The following FAP variants were observed in gnomAD, a reference collection of about 807,000 sequenced individuals.
FAP encodes the protein prolyl endopeptidase FAP.
A neutral mutation model predicts 126.5 loss-of-function variants in FAP; 110 were observed. The ratio of observed to expected loss-of-function variants is 0.87; its 90% CI spans 0.74 to 1.02. The LOEUF (loss-of-function observed/expected upper bound fraction) is 1.02. Ranked by LOEUF, FAP falls within the 50% of genes least tolerant of loss-of-function variation. The pLI, the probability that FAP is intolerant of heterozygous loss-of-function variation, is 0.00. For synonymous variants in FAP, 334 were observed against 297.3 expected (o/e 1.12, Z -1.27); for missense variants, 919 against 909.2 (o/e 1.01, Z -0.14).
intron 20 of FAP, among the ~76,000 whole-genome samples, chr2:162,187,079 G>A (rs1352003208): frequency 6.6e-6 from 1 of 151,892 alleles, no homozygotes; most frequent in African/African-American, 2.4e-5. Context: ...CAGAATGAAA[G>A]AAGCACTTGA....
intron 12 of FAP, among the ~76,000 whole-genome samples, chr2:162,203,366 GC>G (rs1466200252): frequency 6.6e-6 from 1 of 152,130 alleles, no homozygotes; most frequent in Non-Finnish European, 1.5e-5. Flanking sequence ...CTGCTTGGCT[GC>G]TACTGCATAC....
intron 17 of FAP, among the ~76,000 whole-genome samples, chr2:162,190,973 C>T (rs1247962446): frequency 3.3e-5 from 5 of 151,950 alleles, no homozygotes; most frequent in Middle Eastern, 3.2e-3. Context: ...TTGGGTAATC[C>T]ATCAGGGAAG....
intron 15 of FAP, 42 bp from the exon 16 acceptor site, chr2:162,198,923 T>G (rs938602371): frequency 6.3e-7 from 1 of 1,580,004 alleles, no homozygotes. Flanking sequence ...AATTTTGAGA[T>G]TGTATTTATC....
At position 162,183,427 on chromosome 2, in the gene FAP, GCTATT is replaced by G. The variant is rs1687758804; in HGVS notation, c.1851_1855del (p.Arg617SerfsTer54). On this transcript the variant is annotated frameshift_variant, in exon 21 of 26. Coordinates refer to ENST00000188790, the MANE Select transcript of FAP (RefSeq NM_004460.5). LOFTEE classifies it high-confidence loss of function. ...AAAACAACTCACCCAGCCCCATATG[GCTATT>G]CTTTTTTCATCAATGAAACCCATTT... 1.9e-6 allele frequency: 3 copies of G among 1,608,606 alleles called. No homozygotes were observed. Among genetic ancestry groups the G allele is most frequent in the Non-Finnish European group, 2.5e-6 (3 of 1,176,740 alleles).
intron 2 of FAP, among the ~76,000 whole-genome samples, chr2:162,235,718 A>G (rs1035013954): frequency 6.6e-6 from 1 of 152,206 alleles, no homozygotes; most frequent in Non-Finnish European, 1.5e-5. Flanking sequence ...CTGAGCCAGC[A>G]GTGGCACTCT....
At chr2:162,218,774 C>T (rs1689264141) in intron 8 of FAP, among the ~76,000 whole-genome samples, 1 of 151,416 alleles carries the variant, frequency 6.6e-6, no homozygotes, top group African/African-American at 2.4e-5. Flanking sequence ...AAAAAGTAAA[C>T]ATGAGAAAAT....
rs115346019 is a variant in FAP at position 162,232,352 on chromosome 2, T to C, written c.92-5731A>G. Among the ~76,000 whole-genome samples the C allele has an allele frequency of 3.7e-3, 571 of 152,304 alleles. 4 individuals are homozygous for C. The highest frequency in any genetic ancestry group is 0.013 in the African/African-American group (551 of 41,558). ...AAGGTGAGCTAACTTGCCTAATACATAGAAAAGCTGGGGTTTAAATTCAGC... is the reference window on the plus strand; with the variant it reads ...AAGGTGAGCTAACTTGCCTAATACACAGAAAAGCTGGGGTTTAAATTCAGC... On this transcript the variant is annotated intron_variant, in intron 2 of 25. Transcript: ENST00000188790.
At chr2:162,236,376 A>G (rs1690129848) in intron 2 of FAP, among the ~76,000 whole-genome samples, 1 of 151,566 alleles carries the variant, frequency 6.6e-6, no homozygotes, top group Admixed American at 6.6e-5. Flanking sequence ...AGAATTTGTG[A>G]TAATTCTTCT....
Position 162,173,155 on chromosome 2 carries a change from C to T in FAP, c.2101G>A (p.Ala701Thr), listed in dbSNP as rs770848644. Residue 701 changes from alanine (A) to threonine (T), a missense_variant, in exon 24 of 26, where the codon GCA becomes ACA. Transcript: ENST00000188790. ...NVDYLLIHGTADDNVHFQNSA... is the reference protein window; with the variant it reads ...NVDYLLIHGTTDDNVHFQNSA... ...AGTCTTGCTTAAACCTCACCATCTG[C>T]TGTTCCGTGGATGAGAAGATAGTCT... 1.6e-5 allele frequency: 26 copies of T among 1,612,298 alleles called. 1 individual carries two copies. The South Asian group carries it at 2.9e-4, about 18-fold the overall frequency.
intron 17 of FAP, chr2:162,194,024 A>G (rs970329919): frequency 6.6e-6 from 1 of 152,198 alleles, no homozygotes; most frequent in African/African-American, 2.4e-5. Flanking sequence ...ATACTTGGAC[A>G]ACTCTGCTGC....
intron 18 of FAP, 136 bp from the exon 19 acceptor site, chr2:162,189,308 GT>G: frequency 2.0e-6 from 1 of 493,934 alleles, no homozygotes; most frequent in East Asian, 3.4e-5. Context: ...ATATTTAAAA[GT>G]AACTTTTATT....
intron 16 of FAP, among the ~76,000 whole-genome samples, chr2:162,196,463 T>A (rs1334774442): frequency 6.6e-6 from 1 of 151,612 alleles, no homozygotes; most frequent in Admixed American, 6.6e-5. Context: ...TCAACCAGCA[T>A]CTACCCTGTG....
chr2:162,176,447 T>C (rs901430384), intron 21 of FAP: 4 of 152,126 alleles, frequency 2.6e-5, no homozygotes, highest in Non-Finnish European at 1.5e-5. Context: ...CATGTTTTAA[T>C]AGGGAAAAAG....
rs186815117 is a variant in FAP, at chr2:162,237,360, C to A, written c.91+5548G>T. On this transcript the variant is annotated intron_variant, in intron 2 of 25. Coordinates refer to ENST00000188790, the MANE Select transcript of FAP (RefSeq NM_004460.5). The stretch of plus-strand genomic sequence containing the variant: ...CATTAGGTATTTCTTCTAATGCTAT[C>A]CCTCCCCTAGTCCCCCGACCCCCCA... Among the ~76,000 whole-genome samples, 127 of 152,242 alleles carry A rather than the reference C, an allele frequency of 8.3e-4. 1 individual carries two copies. The East Asian group carries it at 0.012, about 14-fold the overall frequency.
Position 162,226,517 on chromosome 2 carries a change from A to G in FAP, c.190+6T>C, listed in dbSNP as rs753842991. 6.8e-7 allele frequency: 1 copy of G among 1,473,820 alleles called. No homozygotes were observed. The highest frequency in any genetic ancestry group is 1.2e-5 in the South Asian group (1 of 81,794). 91.3% of individuals were successfully genotyped at this position (1,473,820 alleles called of 1,614,324 possible). On this transcript the variant is annotated splice_donor_region_variant and intron_variant, in intron 3 of 25. Coordinates refer to ENST00000188790, the MANE Select transcript of FAP (RefSeq NM_004460.5). Reference sequence around the variant, plus strand: ...AAAAACCCCTAAAGATAAATAATGCACTTACCTGAAATCCAGTTTGGAAAA... The same window carrying G: ...AAAAACCCCTAAAGATAAATAATGCGCTTACCTGAAATCCAGTTTGGAAAA...
intron 6 of FAP, among the ~76,000 whole-genome samples, chr2:162,222,235 C>T (rs1689434056): frequency 6.6e-6 from 1 of 152,062 alleles, no homozygotes; most frequent in Non-Finnish European, 1.5e-5. Context: ...ACTAAGATTC[C>T]CCACTCACTA....
chr2:162,213,983 A>G lies in FAP; in HGVS notation c.957T>C (p.Ser319=). 2 of 1,614,116 alleles carry G rather than the reference A, an allele frequency of 1.2e-6. No individual in the cohort carries two copies. The highest frequency in any genetic ancestry group is 8.5e-7 in the Non-Finnish European group (1 of 1,179,992). The change falls in exon 11 of 26, where the codon TCT becomes TCC. Residue 319 remains serine (S), a synonymous_variant. Transcript: ENST00000188790. ...LKRVQNVSVL[S]ICDFREDWQT... The stretch of plus-strand genomic sequence containing the variant: ...GCCAGTCTTCCCTGAAGTCACATAT[A>G]GACAGGACCGAAACATTCTGGACTC...
intron 2 of FAP, among the ~76,000 whole-genome samples, chr2:162,232,889 T>C (rs1233564417): frequency 6.6e-6 from 1 of 152,214 alleles, no homozygotes; most frequent in Non-Finnish European, 1.5e-5. Context: ...GCAAGCCTTG[T>C]TTATTTTTGA....
chr2:162,196,679 T>G (rs1306764035), intron 16 of FAP, among the ~76,000 whole-genome samples: 1 of 152,152 alleles, frequency 6.6e-6, no homozygotes. Flanking sequence ...TTTACCTGTT[T>G]TGATCCTATC....
Sources: allele counts gnomAD v4.1 joint callset (sites outside exome capture counted in the v4.1 genomes callset), GRCh38; gene constraint gnomAD v4.1.1; transcripts MANE v1.5; gene names NCBI Gene and HGNC (gene_info 2026-07-23, HGNC 2026-07-21).